LINGO2: variants seen among roughly 807,000 people sequenced by gnomAD.
The protein encoded by LINGO2 is leucine-rich repeat and immunoglobulin-like domain-containing nogo receptor-interacting protein 2.
A neutral mutation model predicts 30.6 loss-of-function variants in LINGO2; 14 were observed. The ratio of observed to expected loss-of-function variants is 0.46; its 90% CI spans 0.30 to 0.72. The LOEUF is 0.72. Among genes scored for constraint, LINGO2 ranks in the 30% least tolerant of loss-of-function variants. The pLI is 0.07. For synonymous variants in LINGO2, 317 were observed against 288.5 expected (o/e 1.10, Z -1.00); for missense variants, 729 against 751.7 (o/e 0.97, Z 0.35).
intron 4 of LINGO2, among the ~76,000 whole-genome samples, chr9:28,149,890 A>G (rs1464001335): frequency 1.5e-3 from 132 of 86,592 alleles, no homozygotes; most frequent in Middle Eastern, 0.011. Context: ...TCTGGGAAGT[A>G]AGGAGCGCCT....
At chr9:28,958,607 C>G in the LINGO2 span, among the ~76,000 whole-genome samples, 1 of 152,036 alleles carries the variant, frequency 6.6e-6, no homozygotes, top group Non-Finnish European at 1.5e-5. Context: ...CCTCCTTTAC[C>G]GTACAATGAG....
chr9:28,352,204 T>C lies in LINGO2; in HGVS notation c.-246+20632A>G, dbSNP rs1217178679. Among the ~76,000 whole-genome samples the C allele has an allele frequency of 8.6e-5, 13 of 152,010 alleles. 1 individual carries two copies. In the South Asian group the frequency reaches 2.7e-3, roughly 32 times the overall value. On this transcript the variant is annotated intron_variant, in intron 3 of 5. Transcript: ENST00000379992. ...GGTATTCAGTTAGGAAAAGAGGAAG[T>C]CAAATTGTCCCTGTTTGCAGACGAA... is the stretch of plus-strand genomic sequence containing the variant.
At chr9:28,964,783 C>T in the LINGO2 span, among the ~76,000 whole-genome samples, 7 of 151,794 alleles carry the variant, frequency 4.6e-5, no homozygotes, top group African/African-American at 1.5e-4. Flanking sequence ...AATCCCTAGG[C>T]TTAGTAGTTT....
the LINGO2 span, among the ~76,000 whole-genome samples, chr9:29,182,015 C>A: frequency 6.6e-6 from 1 of 152,184 alleles, no homozygotes; most frequent in Non-Finnish European, 1.5e-5. Flanking sequence ...ACACAGCCTA[C>A]ATGGCCATGG....
At chr9:28,719,029 C>G in the LINGO2 span, among the ~76,000 whole-genome samples, 1 of 151,972 alleles carries the variant, frequency 6.6e-6, no homozygotes, top group Non-Finnish European at 1.5e-5. Flanking sequence ...AACCTGCCTT[C>G]TTCACAGCAA....
At chr9:28,049,375 G>A (rs1446949229) in intron 4 of LINGO2, among the ~76,000 whole-genome samples, 7 of 150,716 alleles carry the variant, frequency 4.6e-5, no homozygotes, top group African/African-American at 1.7e-4. Flanking sequence ...GAACCCCCAA[G>A]GTGGTATCAA....
the LINGO2 span, among the ~76,000 whole-genome samples, chr9:28,728,036 G>C: frequency 6.6e-6 from 1 of 152,108 alleles, no homozygotes; most frequent in African/African-American, 2.4e-5. Flanking sequence ...AAACTGCTGA[G>C]GTACTACTAA....
At chr9:28,987,525 G>T in the LINGO2 span, among the ~76,000 whole-genome samples, 1 of 151,446 alleles carries the variant, frequency 6.6e-6, no homozygotes, top group African/African-American at 2.4e-5. Flanking sequence ...TATTTTTCTA[G>T]TCCGTATTTC....
At chr9:27,949,033 T>C in exon 6 of LINGO2, 1 of 1,614,068 alleles carries the variant, frequency 6.2e-7, no homozygotes, top group East Asian at 2.2e-5. Context: ...AAGCAGCCCA[T>C]AGCTGTAGAC....
chr9:28,096,817 A>G (rs777594086), intron 4 of LINGO2, among the ~76,000 whole-genome samples: 5 of 152,176 alleles, frequency 3.3e-5, no homozygotes, highest in Non-Finnish European at 7.3e-5. Context: ...CTTGGCATTC[A>G]TCTGACTCCG....
chr9:27,986,477 G>C (rs2118975711), intron 5 of LINGO2, among the ~76,000 whole-genome samples: 1 of 151,862 alleles, frequency 6.6e-6, no homozygotes, highest in East Asian at 2.0e-4. Flanking sequence ...CGCAGAGTTT[G>C]GGCACCATTT....
chr9:28,423,108 T>C (rs369936842), intron 2 of LINGO2, among the ~76,000 whole-genome samples: 2 of 152,078 alleles, frequency 1.3e-5, no homozygotes, highest in African/African-American at 4.8e-5. Flanking sequence ...ATCGTGGTAA[T>C]GGTTAAACAA....
chr9:28,736,776 G>C, the LINGO2 span, among the ~76,000 whole-genome samples: 1 of 152,076 alleles, frequency 6.6e-6, no homozygotes, highest in Non-Finnish European at 1.5e-5. Context: ...GGCAACAAGA[G>C]CGAAACTCTA....
At chr9:29,039,181 A>G in the LINGO2 span, among the ~76,000 whole-genome samples, 9 of 152,208 alleles carry the variant, frequency 5.9e-5, no homozygotes, top group Non-Finnish European at 1.2e-4. Flanking sequence ...GCACCAATTT[A>G]TGAACAACAA....
At chr9:28,447,318 T>A (rs890914447) in intron 2 of LINGO2, among the ~76,000 whole-genome samples, 2 of 152,148 alleles carry the variant, frequency 1.3e-5, no homozygotes, top group African/African-American at 4.8e-5. Context: ...ATGAATGGAA[T>A]TAGTTGCTTG....
the LINGO2 span, among the ~76,000 whole-genome samples, chr9:29,212,181 G>T: frequency 6.6e-6 from 1 of 152,134 alleles, no homozygotes; most frequent in African/African-American, 2.4e-5. Context: ...AGCCGGGTTC[G>T]GACCTGCGTC....
chr9:28,242,996 C>T (rs919545094), intron 4 of LINGO2, among the ~76,000 whole-genome samples: 1 of 152,130 alleles, frequency 6.6e-6, no homozygotes, highest in African/African-American at 2.4e-5. Flanking sequence ...AAAGGAAAAA[C>T]CAGTACTAGC....
chr9:28,183,273 G>A (rs1819423115), intron 4 of LINGO2, among the ~76,000 whole-genome samples: 2 of 151,942 alleles, frequency 1.3e-5, no homozygotes, highest in African/African-American at 4.8e-5. Context: ...ATGGACACAG[G>A]AAGGTGAGCA....
chr9:28,738,354 T>C, the LINGO2 span, among the ~76,000 whole-genome samples: 3 of 152,140 alleles, frequency 2.0e-5, no homozygotes, highest in Admixed American at 2.0e-4. Flanking sequence ...TTAATACACA[T>C]ATTCACTTAA....
Sources: allele counts gnomAD v4.1 joint callset (sites outside exome capture counted in the v4.1 genomes callset), GRCh38; gene constraint gnomAD v4.1.1; transcripts MANE v1.5; gene names NCBI Gene and HGNC (gene_info 2026-07-23, HGNC 2026-07-21).